PARD3: variants seen among roughly 807,000 people sequenced by gnomAD.
The protein encoded by PARD3 is partitioning defective 3 homolog.
A neutral mutation model predicts 155.4 loss-of-function variants in PARD3; 75 were observed. The ratio of observed to expected loss-of-function variants is 0.48; its 90% CI spans 0.40 to 0.58. The LOEUF is 0.58. Among genes scored for constraint, PARD3 ranks in the 20% least tolerant of loss-of-function variants. PARD3 has a pLI of 0.00. For missense variants in PARD3, 1,642 were observed against 1,721.7 expected, an observed-to-expected ratio of 0.95 and a Z score of 0.82; for synonymous variants, 576 against 610.5, an observed-to-expected ratio of 0.94 and a Z score of 0.83.
At chr10:34,386,039 A>G (rs1025778265) in intron 7 of PARD3, among the ~76,000 whole-genome samples, 5 of 152,232 alleles carry the variant, frequency 3.3e-5, no homozygotes, top group Admixed American at 3.3e-4. Flanking sequence ...AACTCAGACA[A>G]AAGTCCTATT....
chr10:34,314,040 C>T lies in PARD3; in HGVS notation c.3065+3067G>A, dbSNP rs57937268. ...TCCATACTTGAACCCTCTTGCAAAC[C>T]GTACTAAGAAATATATGTGCACATG... On this transcript the variant is annotated intron_variant, in intron 20 of 24. Coordinates refer to ENST00000374788, the MANE Select transcript of PARD3 (RefSeq NM_001184785.2). Among the ~76,000 whole-genome samples, 840 of 152,208 alleles carry T rather than the reference C, an allele frequency of 5.5e-3. 9 individuals carry two copies. Among genetic ancestry groups the T allele is most frequent in the African/African-American group, 0.019 (784 of 41,532 alleles).
chr10:34,663,533 G>A (rs569502278), intron 2 of PARD3, among the ~76,000 whole-genome samples: 11 of 152,124 alleles, frequency 7.2e-5, no homozygotes, highest in South Asian at 4.2e-4. Context: ...TGCCTGTACC[G>A]AAATATTTCT....
chr10:34,581,463 T>C (rs964156464), intron 2 of PARD3, among the ~76,000 whole-genome samples: 16 of 151,868 alleles, frequency 1.1e-4, no homozygotes, highest in Admixed American at 3.9e-4. Context: ...CTTGAACTCC[T>C]GACCTCGTGA....
At chr10:34,278,157 C>G (rs1074324) in intron 21 of PARD3, among the ~76,000 whole-genome samples, 63,076 of 151,696 alleles carry the variant, frequency 0.42, 13,734 homozygotes, top group Middle Eastern at 0.54. Context: ...AGACATCCTC[C>G]CACACCAGCC....
At chr10:34,516,350 T>G (rs2081764941) in intron 3 of PARD3, among the ~76,000 whole-genome samples, 1 of 152,216 alleles carries the variant, frequency 6.6e-6, no homozygotes, top group Admixed American at 6.5e-5. Flanking sequence ...CTATAAACAC[T>G]AAATATTTGT....
intron 22 of PARD3, among the ~76,000 whole-genome samples, chr10:34,236,599 G>A (rs1353259387): frequency 6.6e-6 from 1 of 152,060 alleles, no homozygotes. Flanking sequence ...AAATTGTCTT[G>A]CAACCCTGAC....
At chr10:34,459,281 C>A in intron 4 of PARD3, among the ~76,000 whole-genome samples, 1 of 152,302 alleles carries the variant, frequency 6.6e-6, no homozygotes, top group East Asian at 1.9e-4. Context: ...ATCCTCCAGC[C>A]TCAGCCTCCA....
intron 16 of PARD3, among the ~76,000 whole-genome samples, 165 bp downstream of exon 16, chr10:34,341,462 T>C (rs1836823629): frequency 6.6e-6 from 1 of 152,210 alleles, no homozygotes; most frequent in Non-Finnish European, 1.5e-5. Flanking sequence ...CAATTAAATT[T>C]ACAGAGTTCG....
At chr10:34,407,730 G>A (rs777558413) in intron 5 of PARD3, among the ~76,000 whole-genome samples, 12 of 151,958 alleles carry the variant, frequency 7.9e-5, no homozygotes, top group Non-Finnish European at 1.2e-4. Context: ...CTACTTGGGA[G>A]ACTGAGACAG....
chr10:34,367,124 T>C (rs1341287811), intron 12 of PARD3, among the ~76,000 whole-genome samples: 2 of 152,180 alleles, frequency 1.3e-5, no homozygotes, highest in African/African-American at 4.8e-5. Flanking sequence ...CAAACTCAAA[T>C]TGAGGGACAT....
intron 2 of PARD3, among the ~76,000 whole-genome samples, chr10:34,550,927 C>T (rs183213512): frequency 9.9e-5 from 15 of 152,234 alleles, no homozygotes; most frequent in African/African-American, 2.9e-4. Context: ...ATTACATATG[C>T]CCTTCACTTT....
intron 22 of PARD3, among the ~76,000 whole-genome samples, chr10:34,196,912 A>C (rs2133305483): frequency 6.6e-6 from 1 of 152,230 alleles, no homozygotes; most frequent in East Asian, 1.9e-4. Context: ...GTGACAGCCC[A>C]CGAGGTGCCT....
chr10:34,533,230 C>T (rs1236496709), intron 2 of PARD3, among the ~76,000 whole-genome samples: 2 of 152,158 alleles, frequency 1.3e-5, no homozygotes, highest in Non-Finnish European at 2.9e-5. Flanking sequence ...GTTTTAAGTA[C>T]ACCTGGACAT....
intron 12 of PARD3, among the ~76,000 whole-genome samples, chr10:34,364,297 C>A (rs1839749699): frequency 6.6e-6 from 1 of 152,122 alleles, no homozygotes; most frequent in Non-Finnish European, 1.5e-5. Context: ...TGATAGAAGA[C>A]CATAAAATTA....
intron 1 of PARD3, among the ~76,000 whole-genome samples, chr10:34,741,198 TGA>T (rs2095010700): frequency 6.8e-6 from 1 of 147,996 alleles, no homozygotes; most frequent in African/African-American, 2.5e-5. Context: ...TTTTTTTGTT[TGA>T]GAGAGAGTGA....
chr10:34,704,261 A>G (rs909718655), intron 1 of PARD3, among the ~76,000 whole-genome samples: 1 of 152,260 alleles, frequency 6.6e-6, no homozygotes, highest in Non-Finnish European at 1.5e-5. Context: ...AAAGGAAAAA[A>G]CATTCCTCAT....
At position 34,282,029 on chromosome 10, in the gene PARD3, A is replaced by G. The variant is rs1457969343; in HGVS notation, c.3176+2106T>C. Among the ~76,000 whole-genome samples the G allele has an allele frequency of 2.6e-5, 4 of 151,884 alleles. No homozygotes were observed. In the South Asian group the frequency reaches 6.2e-4, roughly 24 times the overall value. On this transcript the variant is annotated intron_variant, in intron 21 of 24. Transcript: ENST00000374788. ...AAGGAAGCTGCAGTTTCCATTCTCA[A>G]AAAGAACACTGCCAATACCACAGAC...
intron 13 of PARD3, 49 bp downstream of exon 13, chr10:34,360,022 A>T: frequency 7.0e-7 from 1 of 1,427,046 alleles, no homozygotes; most frequent in Non-Finnish European, 9.8e-7. Context: ...ACAGGGTTGA[A>T]ATTAAAATTT....
chr10:34,264,541 C>T (rs545824213), intron 22 of PARD3, among the ~76,000 whole-genome samples: 4 of 152,186 alleles, frequency 2.6e-5, no homozygotes, highest in African/African-American at 9.6e-5. Context: ...CTTCATGTAG[C>T]CTACAACTTT....
Sources: allele counts gnomAD v4.1 joint callset (sites outside exome capture counted in the v4.1 genomes callset), GRCh38; gene constraint gnomAD v4.1.1; transcripts MANE v1.5; gene names NCBI Gene and HGNC (gene_info 2026-07-23, HGNC 2026-07-21).